ARHGEF15: variants seen among roughly 807,000 people sequenced by gnomAD.
ARHGEF15 encodes the protein Rho guanine nucleotide exchange factor (GEF) 15.
Under a neutral mutation model 79.7 loss-of-function variants are expected in ARHGEF15, and 58 were observed. The observed-to-expected ratio is 0.73, with a 90% CI of 0.59 to 0.91. The LOEUF (loss-of-function observed/expected upper bound fraction) is 0.91. Among genes scored for constraint, ARHGEF15 ranks in the 40% least tolerant of loss-of-function variants. ARHGEF15 has a pLI of 0.00. For missense variants in ARHGEF15, 1,012 were observed against 1,108.1 expected (o/e 0.91, Z 1.23); for synonymous variants, 442 against 456.0 (o/e 0.97, Z 0.39).
chr17:8,317,445 G>A (rs188964805), intron 9 of ARHGEF15, among the ~76,000 whole-genome samples: 11 of 152,224 alleles, frequency 7.2e-5, no homozygotes, highest in Non-Finnish European at 1.5e-4. Context: ...GATTATCAGT[G>A]TCTTTATGAT....
chr17:8,317,786 G>T (rs1905121529), intron 9 of ARHGEF15, among the ~76,000 whole-genome samples: 1 of 152,162 alleles, frequency 6.6e-6, no homozygotes, highest in Non-Finnish European at 1.5e-5. Flanking sequence ...GAACCTTCGG[G>T]GCAGGCACGG....
rs1905367916 is a variant in ARHGEF15 at position 8,321,217 on chromosome 17, G to A, written c.*224G>A. 2 of 605,576 alleles carry A rather than the reference G, an allele frequency of 3.3e-6. No homozygotes were observed. Among genetic ancestry groups the A allele is most frequent in the Non-Finnish European group, 5.6e-6 (2 of 354,208 alleles). 37.5% of individuals were successfully genotyped at this position (605,576 alleles called of 1,614,324 possible). A position where few individuals can be genotyped will look rare whatever the true frequency, so the allele number is the denominator to read the frequency against. On this transcript the variant is annotated 3_prime_UTR_variant, in exon 16 of 16. Coordinates refer to ENST00000361926, the MANE Select transcript of ARHGEF15 (RefSeq NM_173728.4). Reference sequence around the variant, plus strand: ...TGAATGTGTGGCCAATGGAGACAGAGGCTTAGTGCAGAGCAGCCAATGGGT... The same window carrying A: ...TGAATGTGTGGCCAATGGAGACAGAAGCTTAGTGCAGAGCAGCCAATGGGT...
chr17:8,312,263 T>C lies in ARHGEF15; in HGVS notation c.224T>C (p.Leu75Pro). ...GCTGCATCCCTCAAGCCCCCTGCTC[T>C]TTTGCCCCCCTCAGCTTCTAGAGCC... ...PPAASLKPPA[L>P]LPPSASRASL... Residue 75 changes from leucine (L) to proline (P), a missense_variant, in exon 2 of 16, where the codon CTT becomes CCT. By Grantham distance (98) the Leu-to-Pro change is moderately conservative. Transcript: ENST00000361926. 1.6e-6 allele frequency: 2 copies of C among 1,272,578 alleles called. No homozygotes were observed. Among genetic ancestry groups the C allele is most frequent in the Non-Finnish European group, 2.1e-6 (2 of 966,766 alleles). The allele number at this position is 1,272,578 out of a possible 1,614,324, so 78.8% of individuals were successfully genotyped here.
At chr17:8,312,745 T>C (rs1417673590) in intron 2 of ARHGEF15, 105 bp downstream of exon 2, 8 of 1,597,198 alleles carry the variant, frequency 5.0e-6, no homozygotes, top group Non-Finnish European at 6.0e-6. Context: ...ATGGAGTTAA[T>C]GTTTGGGATA....
intron 4 of ARHGEF15, 83 bp downstream of exon 4, chr17:8,313,638 TA>T: frequency 7.0e-7 from 1 of 1,438,418 alleles, no homozygotes; most frequent in Non-Finnish European, 9.5e-7. Context: ...CAGCTCCAGC[TA>T]AATCCCACCT....
chr17:8,311,955 A>G, intron 1 of ARHGEF15, 36 bp from the exon 2 acceptor site: 1 of 1,397,068 alleles, frequency 7.2e-7, no homozygotes, highest in South Asian at 1.6e-5. Flanking sequence ...CCTGTGGGGC[A>G]CTAAGGGTCT....
chr17:8,315,687 TTC>T lies in ARHGEF15; in HGVS notation c.1422-63_1422-62del. On this transcript the variant is annotated intron_variant, in intron 7 of 15. Coordinates refer to ENST00000361926, the MANE Select transcript of ARHGEF15 (RefSeq NM_173728.4). The surrounding 1 kb of genome is among the most constrained non-coding windows in gnomAD (Gnocchi z 4.3). The stretch of plus-strand genomic sequence containing the variant: ...TACGGACCCAGTTAGTTCCCAAACC[TTC>T]TCTCAAGAACCCGGGAGACCTGGCT... 1 of 1,591,622 alleles carries T rather than the reference TTC, an allele frequency of 6.3e-7. No homozygotes were observed.
chr17:8,315,711 G>T lies in ARHGEF15; in HGVS notation c.1422-44G>T. ...CTTCTCTCAAGAACCCGGGAGACCT[G>T]GCTCTCTGCCCCGCCCCATTGCTTG... On this transcript the variant is annotated intron_variant, in intron 7 of 15. Transcript: ENST00000361926. This position sits in a 1 kb window ranked among gnomAD's most constrained non-coding sequence, Gnocchi z 4.3. 6.3e-7 allele frequency: 1 copy of T among 1,599,488 alleles called. No individual in the cohort carries two copies.
rs144703076 is a variant in ARHGEF15, at chr17:8,312,243, A to G, written c.204A>G (p.Ala68=). 4.8e-5 allele frequency: 66 copies of G among 1,378,452 alleles called. No individual in the cohort carries two copies. The Middle Eastern group carries it at 5.9e-4, about 12-fold the overall frequency. 85.4% of individuals were successfully genotyped at this position (1,378,452 alleles called of 1,614,324 possible). Residue 68 remains alanine, a synonymous_variant, in exon 2 of 16, where the codon GCA becomes GCG. Coordinates refer to ENST00000361926, the MANE Select transcript of ARHGEF15 (RefSeq NM_173728.4). ...CTPIFWEPPA[A]SLKPPALLPP... ...CCATCTTCTGGGAGCCCCCAGCTGC[A>G]TCCCTCAAGCCCCCTGCTCTTTTGC...
chr17:8,316,741 A>G (rs941406631), intron 9 of ARHGEF15, among the ~76,000 whole-genome samples: 2 of 149,940 alleles, frequency 1.3e-5, no homozygotes, highest in African/African-American at 5.0e-5. Flanking sequence ...GATACGGGGG[A>G]AAAAAAAGTT....
rs1486202947 is a variant in ARHGEF15, at chr17:8,313,129, C to T, written c.809C>T (p.Ala270Val). 1.2e-6 allele frequency: 2 copies of T among 1,613,248 alleles called. No homozygotes were observed. The highest frequency in any genetic ancestry group is 2.7e-5 in the African/African-American group (2 of 74,912). ...GTCCTCACATCCTACCGCTCCACTGCTGAGCGCAAACTCCTGCCACTCCTC... is the reference window on the plus strand; with the variant it reads ...GTCCTCACATCCTACCGCTCCACTGTTGAGCGCAAACTCCTGCCACTCCTC... Reference protein sequence around the residue: ...AVVLTSYRSTAERKLLPLLKP... With the variant: ...AVVLTSYRSTVERKLLPLLKP... The change falls in exon 3 of 16, where the codon GCT (alanine) becomes GTT (valine). Residue 270 changes from alanine to valine, a missense_variant. Physicochemically the swap from Ala to Val is moderately conservative, Grantham distance 64 (BLOSUM62 0). Around this residue, in one of 3 missense-constraint regions of ARHGEF15, gnomAD observed 818 missense variants for 882.5 expected, o/e 0.93. Coordinates refer to ENST00000361926, the MANE Select transcript of ARHGEF15 (RefSeq NM_173728.4).
intron 4 of ARHGEF15, 181 bp from the exon 5 acceptor site, chr17:8,314,725 A>ACCTTG (rs1177382135): frequency 1.6e-6 from 1 of 630,820 alleles, no homozygotes; most frequent in African/African-American, 2.3e-5. Context: ...ACATAACGAG[A>ACCTTG]CCTTGCCTTT....
chr17:8,320,804 C>A (rs751068043), intron 15 of ARHGEF15, 38 bp from the exon 16 acceptor site: 1 of 1,606,824 alleles, frequency 6.2e-7, no homozygotes, highest in Middle Eastern at 2.2e-4. Context: ...CTGCTCCCTG[C>A]CCCCACCTCA....
At chr17:8,316,934 T>C (rs1293241753) in intron 9 of ARHGEF15, among the ~76,000 whole-genome samples, 1 of 152,120 alleles carries the variant, frequency 6.6e-6, no homozygotes, top group Non-Finnish European at 1.5e-5. Context: ...AGGTGTGGAC[T>C]ACCATGCCTG....
chr17:8,315,927 G>A lies in ARHGEF15; in HGVS notation c.1574+20G>A. The A allele has an allele frequency of 6.2e-7, 1 of 1,605,954 alleles. No individual in the cohort carries two copies. Among genetic ancestry groups the A allele is most frequent in the Middle Eastern group, 1.7e-4 (1 of 6,060 alleles). On this transcript the variant is annotated intron_variant, in intron 8 of 15. Transcript: ENST00000361926. The surrounding 1 kb of genome is among the most constrained non-coding windows in gnomAD (Gnocchi z 4.3). Reference sequence around the variant, plus strand: ...CCTCATGTGAGTGTCCCAGGGGTGGGGAGGAAGCTGGGGAGAGGGATGGGA... The same window carrying A: ...CCTCATGTGAGTGTCCCAGGGGTGGAGAGGAAGCTGGGGAGAGGGATGGGA...
Position 8,312,013 on chromosome 17 carries a change from T to A in ARHGEF15, c.-27T>A, listed in dbSNP as rs765386914. On this transcript the variant is annotated 5_prime_UTR_variant, in exon 2 of 16. Transcript: ENST00000361926. ...CAGGGGATGACTCCAGCAGAGCACC[T>A]CACTCCTTTGAAGAGCACAGAGGAA... is the stretch of plus-strand genomic sequence containing the variant. 1 of 1,546,456 alleles carries A rather than the reference T, an allele frequency of 6.5e-7. No individual in the cohort carries two copies. Among genetic ancestry groups the A allele is most frequent in the Non-Finnish European group, 8.7e-7 (1 of 1,149,228 alleles).
At chr17:8,320,773 A>C (rs926967859) in intron 15 of ARHGEF15, 69 bp from the exon 16 acceptor site, 2 of 1,465,840 alleles carry the variant, frequency 1.4e-6, no homozygotes, top group Non-Finnish European at 1.9e-6. Context: ...AGACCCCACG[A>C]GGCCCCCTTT....
In ARHGEF15 at chr17:8,312,593, G is replaced by C; in HGVS notation, c.554G>C (p.Arg185Thr). The C allele has an allele frequency of 6.2e-7, 1 of 1,612,730 alleles. No homozygotes were observed. Among genetic ancestry groups the C allele is most frequent in the Non-Finnish European group, 8.5e-7 (1 of 1,179,530 alleles). ...LQARADVNGE[R>T]EAPLTGSGSQ... The stretch of plus-strand genomic sequence containing the variant: ...GCGAGAGCAGATGTGAATGGGGAGA[G>C]AGAAGCTCCCCTCACCGGGAGTGGG... Residue 185 changes from arginine to threonine, a missense_variant, in exon 2 of 16, where the codon AGA becomes ACA. Arg to Thr is a moderately conservative substitution (Grantham distance 71, BLOSUM62 -1). Transcript: ENST00000361926.
intron 1 of ARHGEF15, among the ~76,000 whole-genome samples, chr17:8,311,270 C>T (rs1021925375): frequency 3.3e-5 from 5 of 152,046 alleles, no homozygotes; most frequent in Non-Finnish European, 7.4e-5. Context: ...CCGACTGGTC[C>T]TGTCCTTCGG....
Sources: allele counts gnomAD v4.1 joint callset (sites outside exome capture counted in the v4.1 genomes callset), GRCh38; gene constraint gnomAD v4.1.1; regional missense constraint gnomAD v4.1.1; non-coding constraint Gnocchi (gnomAD v3.1); transcripts MANE v1.5; gene names NCBI Gene and HGNC (gene_info 2026-07-23, HGNC 2026-07-21).